Variants in TXNDC11 observed in about 807,000 individuals in gnomAD.
TXNDC11 encodes thioredoxin domain-containing protein 11.
Under a neutral mutation model 78.0 loss-of-function variants are expected in TXNDC11, and 68 were observed. The observed-to-expected ratio is 0.87, with a 90% CI of 0.72 to 1.07. The LOEUF is 1.07. Ranked by LOEUF, TXNDC11 falls within the 50% of genes least tolerant of loss-of-function variation. The pLI is 0.00. For synonymous variants in TXNDC11, 571 were observed against 495.2 expected, an observed-to-expected ratio of 1.15 and a Z score of -2.03; for missense variants, 1,389 against 1,221.8, an observed-to-expected ratio of 1.14 and a Z score of -2.04.
intron 5 of TXNDC11, among the ~76,000 whole-genome samples, chr16:11,702,573 G>C (rs2051063747): frequency 1.3e-5 from 2 of 152,180 alleles, no homozygotes; most frequent in Admixed American, 6.5e-5. Context: ...GGGAGGCTGA[G>C]GCATGAGAAT....
Position 11,742,464 on chromosome 16 carries a change from C to A in TXNDC11, c.254+13G>T. On this transcript the variant is annotated intron_variant, in intron 1 of 11. Coordinates refer to ENST00000283033, the MANE Select transcript of TXNDC11 (RefSeq NM_015914.7). ...AGCGCCCTAGCGGGGCCCCAGGGTC[C>A]GGGCCGCCTCACCTGCAGGTGAACT... The A allele has an allele frequency of 1.4e-6, 2 of 1,412,616 alleles. No homozygotes were observed. Among genetic ancestry groups the A allele is most frequent in the Non-Finnish European group, 1.8e-6 (2 of 1,091,070 alleles). 87.5% of individuals were successfully genotyped at this position (1,412,616 alleles called of 1,614,324 possible).
chr16:11,710,622 G>T (rs2051322824), intron 5 of TXNDC11, among the ~76,000 whole-genome samples: 1 of 152,178 alleles, frequency 6.6e-6, no homozygotes, highest in Non-Finnish European at 1.5e-5. Context: ...GGCCAAGGTG[G>T]GTGGACTGCT....
rs756401405 is a variant in TXNDC11 at position 11,721,677 on chromosome 16, G to C, written c.700-7C>G. The C allele has an allele frequency of 2.0e-5, 32 of 1,593,834 alleles. No individual in the cohort carries two copies. The South Asian group carries it at 3.2e-4, about 16-fold the overall frequency. ...AGTACCCGAGTACTCCAGGCTGCAG[G>C]AAAAAGAGCAGAATTAGGTAACTGA... is the stretch of plus-strand genomic sequence containing the variant. On this transcript the variant is annotated splice_polypyrimidine_tract_variant and splice_region_variant and intron_variant, in intron 4 of 11. Transcript: ENST00000283033.
chr16:11,717,588 G>A (rs1052984288), intron 5 of TXNDC11, among the ~76,000 whole-genome samples: 7 of 152,020 alleles, frequency 4.6e-5, no homozygotes, highest in South Asian at 4.2e-4. Flanking sequence ...TTGGGAGGCC[G>A]AAGCGGGCGG....
chr16:11,696,343 G>A lies in TXNDC11; in HGVS notation c.1107+1782C>T, dbSNP rs902797249. ...TAACTCCTCCCCTGCCCGGAACCCCGCTTTCTGAGATGGCACCCTCCCTCC... is the reference window on the plus strand; with the variant it reads ...TAACTCCTCCCCTGCCCGGAACCCCACTTTCTGAGATGGCACCCTCCCTCC... On this transcript the variant is annotated intron_variant, in intron 7 of 11. Coordinates refer to ENST00000283033, the MANE Select transcript of TXNDC11 (RefSeq NM_015914.7). Among the ~76,000 whole-genome samples, 13 of 152,226 alleles carry A rather than the reference G, an allele frequency of 8.5e-5. 1 individual carries two copies. The Middle Eastern group carries it at 0.017, about 199-fold the overall frequency.
intron 6 of TXNDC11, among the ~76,000 whole-genome samples, chr16:11,698,908 G>A (rs967456580): frequency 3.9e-5 from 6 of 152,266 alleles, no homozygotes; most frequent in East Asian, 1.9e-4. Context: ...ACAAGGCCAC[G>A]GATCATATTT....
chr16:11,687,725 C>A lies in TXNDC11; in HGVS notation c.2153+132G>T, dbSNP rs116410727. ...GGCTTTGCTCATGGCTTCAACCTGA[C>A]AATTAAATTCAGCCAAGTCCTACCA... On this transcript the variant is annotated intron_variant, in intron 10 of 11. Coordinates refer to ENST00000283033, the MANE Select transcript of TXNDC11 (RefSeq NM_015914.7). The A allele has an allele frequency of 1.5e-4, 94 of 639,160 alleles. No homozygotes were observed. The African/African-American group carries it at 1.6e-3, about 11-fold the overall frequency. 39.6% of individuals were successfully genotyped at this position (639,160 alleles called of 1,614,324 possible). A position where few individuals can be genotyped will look rare whatever the true frequency, so the allele number is the denominator to read the frequency against.
At chr16:11,717,780 C>T (rs2051582096) in intron 5 of TXNDC11, among the ~76,000 whole-genome samples, 1 of 151,372 alleles carries the variant, frequency 6.6e-6, no homozygotes, top group African/African-American at 2.4e-5. Context: ...GAGATTTCGC[C>T]ACTGCACTCC....
chr16:11,705,464 C>T (rs2051155067), intron 5 of TXNDC11, among the ~76,000 whole-genome samples: 1 of 152,172 alleles, frequency 6.6e-6, no homozygotes, highest in South Asian at 2.1e-4. Flanking sequence ...TCTCCAGAAG[C>T]AGCTGATCTT....
chr16:11,692,190 G>T, intron 7 of TXNDC11, 108 bp from the exon 8 acceptor site: 1 of 842,330 alleles, frequency 1.2e-6, no homozygotes, highest in Non-Finnish European at 1.8e-6. Context: ...GGTCAACTCC[G>T]GTTCAAAAAT....
At chr16:11,718,571 T>A (rs1250866542) in intron 5 of TXNDC11, among the ~76,000 whole-genome samples, 2 of 152,192 alleles carry the variant, frequency 1.3e-5, no homozygotes, top group African/African-American at 4.8e-5. Flanking sequence ...CCATTTGACT[T>A]CAGGGTAGAA....
intron 8 of TXNDC11, 126 bp from the exon 9 acceptor site, chr16:11,688,571 T>C: frequency 1.2e-6 from 1 of 830,160 alleles, no homozygotes; most frequent in South Asian, 2.1e-5. Flanking sequence ...ACATTTCACC[T>C]ATCAGCAAAA....
intron 2 of TXNDC11, among the ~76,000 whole-genome samples, chr16:11,734,311 C>T (rs1427171794): frequency 2.0e-5 from 3 of 152,166 alleles, no homozygotes; most frequent in Admixed American, 2.0e-4. Flanking sequence ...CCAATCTTAC[C>T]ATGCAATACA....
At position 11,742,831 on chromosome 16, in the gene TXNDC11, C is replaced by T; in HGVS notation, c.-101G>A. Reference sequence around the variant, plus strand: ...CCAATCCCGCAGCTCGCCGCACCCGCTAACCCGGACGCTCCACGTCAGCCG... The same window carrying T: ...CCAATCCCGCAGCTCGCCGCACCCGTTAACCCGGACGCTCCACGTCAGCCG... On this transcript the variant is annotated 5_prime_UTR_variant, in exon 1 of 12. Transcript: ENST00000283033. 1 of 1,360,570 alleles carries T rather than the reference C, an allele frequency of 7.3e-7. No homozygotes were observed. The highest frequency in any genetic ancestry group is 9.4e-7 in the Non-Finnish European group (1 of 1,062,020). 84.3% of individuals were successfully genotyped at this position (1,360,570 alleles called of 1,614,324 possible). A position where few individuals can be genotyped will look rare whatever the true frequency, so the allele number is the denominator to read the frequency against.
intron 7 of TXNDC11, among the ~76,000 whole-genome samples, chr16:11,694,478 G>C: frequency 6.7e-6 from 1 of 150,106 alleles, no homozygotes; most frequent in South Asian, 2.1e-4. Flanking sequence ...ACGGAGTTTT[G>C]CTCCAGTTGC....
chr16:11,680,599 A>C (rs1050681128), intron 11 of TXNDC11, among the ~76,000 whole-genome samples: 1 of 152,164 alleles, frequency 6.6e-6, no homozygotes, highest in African/African-American at 2.4e-5. Context: ...TTTCTCTCAC[A>C]TATCTATTTA....
intron 5 of TXNDC11, among the ~76,000 whole-genome samples, chr16:11,704,405 A>T (rs572836791): frequency 5.9e-5 from 9 of 152,366 alleles, no homozygotes; most frequent in Admixed American, 4.6e-4. Context: ...ATTCATGAGC[A>T]GAAGTTTGAG....
chr16:11,687,283 T>TG (rs1466129096), intron 10 of TXNDC11, among the ~76,000 whole-genome samples: 2 of 152,050 alleles, frequency 1.3e-5, no homozygotes, highest in Non-Finnish European at 2.9e-5. Flanking sequence ...TTGGGGGAGG[T>TG]GGGGGGTTAA....
intron 11 of TXNDC11, among the ~76,000 whole-genome samples, chr16:11,682,588 G>C (rs1470306588): frequency 6.6e-6 from 1 of 152,190 alleles, no homozygotes; most frequent in Non-Finnish European, 1.5e-5. Flanking sequence ...TCATTAAAAG[G>C]CATGTGCTGG....
Sources: allele counts gnomAD v4.1 joint callset (sites outside exome capture counted in the v4.1 genomes callset), GRCh38; gene constraint gnomAD v4.1.1; transcripts MANE v1.5; gene names NCBI Gene and HGNC (gene_info 2026-07-23, HGNC 2026-07-21).